The following RGS11 variants were observed in gnomAD, a reference collection of about 807,000 sequenced individuals.
RGS11 encodes the protein regulator of G-protein signaling 11.
A neutral mutation model predicts 71.1 loss-of-function variants in RGS11; 86 were observed. That is an observed-to-expected ratio of 1.21 (90% CI 1.02 to 1.45). The LOEUF is 1.45. Ranked by LOEUF, RGS11 falls within the 40% of genes most tolerant of loss-of-function variation. The pLI is 0.00. For missense variants in RGS11, 734 were observed against 635.1 expected, an observed-to-expected ratio of 1.16 and a Z score of -1.67; for synonymous variants, 298 against 254.2, an observed-to-expected ratio of 1.17 and a Z score of -1.64.
chr16:275,128 A>G (rs1254175309), intron 3 of RGS11, 46 bp from the exon 4 acceptor site: 1 of 1,495,184 alleles, frequency 6.7e-7, no homozygotes, highest in African/African-American at 1.4e-5. Context: ...GAAGCGGGCG[A>G]GGGCGGGACG....
chr16:272,666 A>AG (rs2051990735), intron 9 of RGS11, 197 bp downstream of exon 9: 1 of 1,405,654 alleles, frequency 7.1e-7, no homozygotes, highest in African/African-American at 1.4e-5. Flanking sequence ...AGCAGGTGGG[A>AG]GGGGAGAGAA....
In RGS11 at chr16:271,677, G is replaced by A. The variant is rs984760874; in HGVS notation, c.658-108C>T. 2.7e-6 allele frequency: 3 copies of A among 1,111,586 alleles called. No individual in the cohort carries two copies. The Admixed American group carries it at 5.4e-5, about 20-fold the overall frequency. 68.9% of individuals were successfully genotyped at this position (1,111,586 alleles called of 1,614,324 possible). A position where few individuals can be genotyped will look rare whatever the true frequency, so the allele number is the denominator to read the frequency against. On this transcript the variant is annotated intron_variant, in intron 9 of 16. Coordinates refer to ENST00000397770, the MANE Select transcript of RGS11 (RefSeq NM_183337.3). ...GCTGAGCCCCTGCCCCATAGATCTGGCAGAGATGGTGGCCCAGGCCCCCAG... is the reference window on the plus strand; with the variant it reads ...GCTGAGCCCCTGCCCCATAGATCTGACAGAGATGGTGGCCCAGGCCCCCAG...
rs201831908 is a variant in RGS11 at position 274,145 on chromosome 16, G to A, written c.371-44C>T. On this transcript the variant is annotated intron_variant, in intron 5 of 16. Coordinates refer to ENST00000397770, the MANE Select transcript of RGS11 (RefSeq NM_183337.3). ...CCTGCAGAGGGGCCAGCTCTGCCCT[G>A]CCTCACGGCATCACCCTGAGGCCCC... 17 of 1,572,248 alleles carry A rather than the reference G, an allele frequency of 1.1e-5. No homozygotes were observed. In the East Asian group the frequency reaches 4.0e-4, roughly 37 times the overall value.
chr16:268,773 C>T lies in RGS11; in HGVS notation c.*496G>A, dbSNP rs1461029622. On this transcript the variant is annotated 3_prime_UTR_variant, in exon 17 of 17. Transcript: ENST00000397770. ...CACGGCACTCTCTTGGGTCCTCTTC[C>T]AGGCTCACACTGGGCGACAGCGGAG... The T allele has an allele frequency of 1.9e-6, 3 of 1,549,716 alleles. No individual in the cohort carries two copies. Among genetic ancestry groups the T allele is most frequent in the Non-Finnish European group, 2.6e-6 (3 of 1,146,900 alleles).
intron 9 of RGS11, 102 bp from the exon 10 acceptor site, chr16:271,671 G>C (rs1240775418): frequency 8.7e-7 from 1 of 1,154,476 alleles, no homozygotes; most frequent in Non-Finnish European, 1.3e-6. Context: ...CTGCCCCATA[G>C]ATCTGGCAGA....
rs2052023440 is a variant in RGS11 at position 273,455 on chromosome 16, C to T, written c.588+20G>A. ...CCTGCGCTGGCCAGCGACCCCCACC[C>T]TCACCGCAGGTGGGCTCACCGGGGG... On this transcript the variant is annotated intron_variant, in intron 8 of 16. Transcript: ENST00000397770. 6.5e-7 allele frequency: 1 copy of T among 1,536,106 alleles called. No homozygotes were observed. Among genetic ancestry groups the T allele is most frequent in the Admixed American group, 2.0e-5 (1 of 50,628 alleles).
rs999474363 is a variant in RGS11 at position 269,581 on chromosome 16, G to A, written c.1211C>T (p.Ser404Phe). Residue 404 changes from serine (S) to phenylalanine (F), a missense_variant, in exon 16 of 17, where the codon TCC (serine) becomes TTC (phenylalanine). Transcript: ENST00000397770. Reference protein sequence around the residue: ...LHIYMLMKKDSYPRFLKSDMY... With the variant: ...LHIYMLMKKDFYPRFLKSDMY... ...GTCAGACTTCAGGAACCTTGGGTAG[G>A]AGTCCTACAAGAGACAGCGTCCAGC... The A allele has an allele frequency of 1.2e-6, 2 of 1,612,792 alleles. No homozygotes were observed. Among genetic ancestry groups the A allele is most frequent in the Non-Finnish European group, 1.7e-6 (2 of 1,179,432 alleles).
In RGS11 at chr16:275,893, G is replaced by T; in HGVS notation, c.19C>A (p.Pro7Thr). Residue 7 changes from proline to threonine, a missense_variant, in exon 1 of 17, where the codon CCG becomes ACG. Physicochemically the swap from Pro to Thr is conservative, Grantham distance 38. Transcript: ENST00000397770. ...TGCGCCCGGGGGCGGCCGGGGGGCG[G>T]CGCGGGGCCGGCGGCCATGGCTGCG... MAAGPA[P>T]PPGRPRAQMP... 2.2e-6 allele frequency: 2 copies of T among 908,930 alleles called. No individual in the cohort carries two copies. Among genetic ancestry groups the T allele is most frequent in the Non-Finnish European group, 2.7e-6 (2 of 744,034 alleles). The allele number at this position is 908,930 out of a possible 1,614,324, so 56.3% of individuals were successfully genotyped here. A position where few individuals can be genotyped will look rare whatever the true frequency, so the allele number is the denominator to read the frequency against.
intron 9 of RGS11, chr16:272,198 A>G (rs2051969154): frequency 6.0e-6 from 7 of 1,167,326 alleles, no homozygotes; most frequent in Non-Finnish European, 7.5e-6. Context: ...CTTGAGAAAT[A>G]CTACTAATGG....
At chr16:274,457 G>A (rs764582706) in intron 4 of RGS11, 192 bp from the exon 5 acceptor site, 15 of 624,140 alleles carry the variant, frequency 2.4e-5, no homozygotes, top group Admixed American at 8.3e-5. Context: ...AGGTCAACTC[G>A]CTCCTTAGGG....
rs750218703 is a variant in RGS11 at position 272,850 on chromosome 16, C to T, written c.657+13G>A. 66 of 1,541,872 alleles carry T rather than the reference C, an allele frequency of 4.3e-5. No individual in the cohort carries two copies. The highest frequency in any genetic ancestry group is 1.5e-4 in the African/African-American group (11 of 72,944). On this transcript the variant is annotated intron_variant, in intron 9 of 16. Transcript: ENST00000397770. ...AGGGTGAGAGGGCGGCCAGCACGCA[C>T]GCAGGGGCTCACCATGAGCACACGG...
chr16:275,594 T>G, intron 1 of RGS11, 96 bp from the exon 2 acceptor site: 1 of 1,093,908 alleles, frequency 9.1e-7, no homozygotes, highest in Non-Finnish European at 1.3e-6. Flanking sequence ...GCGCGGAGAT[T>G]AACGCGCGGC....
chr16:272,090 C>T, intron 9 of RGS11: 2 of 982,620 alleles, frequency 2.0e-6, no homozygotes, highest in Non-Finnish European at 2.5e-6. Context: ...CCCGCCTCAG[C>T]CTCCCAAAGT....
intron 9 of RGS11, chr16:271,976 A>G (rs1008248720): frequency 3.4e-6 from 1 of 298,190 alleles, no homozygotes; most frequent in Non-Finnish European, 6.2e-6. Flanking sequence ...AGCTGGGACT[A>G]CAGGCATGCG....
rs117215141 is a variant in RGS11, at chr16:275,290, C to T, written c.204G>A (p.Ser68=). 2.6e-5 allele frequency: 42 copies of T among 1,612,488 alleles called. No homozygotes were observed. In the African/African-American group the frequency reaches 4.3e-4, roughly 16 times the overall value. The change falls in exon 3 of 17, where the codon TCG becomes TCA. Residue 68 remains serine (S), a synonymous_variant. Transcript: ENST00000397770. The part of the protein sequence containing the change: ...VQWLAQKFCV[S]EEEALHLGAV... ...GGGAGGCAGGGCGCTCACCCTCCTC[C>T]GAGACGCAGAACTTCTGGGCCAACC...
chr16:275,673 G>A (rs533546757), intron 1 of RGS11, 175 bp from the exon 2 acceptor site: 2 of 444,052 alleles, frequency 4.5e-6, no homozygotes, highest in Admixed American at 9.4e-5. Context: ...GGGGAGGGCC[G>A]GGGAGACCCC....
Position 271,045 on chromosome 16 carries a change from C to T in RGS11, c.918G>A (p.Glu306=). Residue 306 remains glutamate, a synonymous_variant, in exon 13 of 17, where the codon GAG becomes GAA. Transcript: ENST00000397770. ...CCCGCCCCACGGGGTCCTCCAGGAG[C>T]TCCCGGAAGCTGAAGCCCCATCTCT... ...RVERWGFSFR[E]LLEDPVGRAH... 2 of 1,612,520 alleles carry T rather than the reference C, an allele frequency of 1.2e-6. No homozygotes were observed. Among genetic ancestry groups the T allele is most frequent in the East Asian group, 4.5e-5 (2 of 44,860 alleles).
At chr16:275,379 A>C (rs768757618) in intron 2 of RGS11, 23 bp downstream of exon 2, 1 of 1,608,400 alleles carries the variant, frequency 6.2e-7, no homozygotes. Context: ...GCGCGCACGC[A>C]CCCCCGCCCC....
chr16:272,701 G>T, intron 9 of RGS11, 162 bp downstream of exon 9: 2 of 1,478,056 alleles, frequency 1.4e-6, no homozygotes, highest in Non-Finnish European at 9.0e-7. Context: ...GGGGCCTGGG[G>T]AACAGGGAGT....
Sources: gnomAD v4.1 joint callset for allele counts on GRCh38, gnomAD v4.1.1 for gene constraint, MANE v1.5 for transcripts, NCBI Gene and HGNC (gene_info 2026-07-23, HGNC 2026-07-21) for gene names.